CTNNA3: variants seen among roughly 807,000 people sequenced by gnomAD.
CTNNA3 encodes catenin alpha 3, also known as catenin alpha-3.
CTNNA3 carries 76 observed loss-of-function variants against 95.7 expected under a neutral mutation model. The ratio of observed to expected loss-of-function variants is 0.79; its 90% CI spans 0.66 to 0.96. CTNNA3 has a LOEUF of 0.96. CTNNA3 is among the 40% of genes least tolerant of loss of function. CTNNA3 has a pLI of 0.00. For synonymous variants in CTNNA3, 431 were observed against 374.4 expected (o/e 1.15, Z -1.74); for missense variants, 1,191 against 1,089.8 (o/e 1.09, Z -1.31).
chr10:66,552,574 C>T (rs1842253091), intron 10 of CTNNA3, among the ~76,000 whole-genome samples: 1 of 151,998 alleles, frequency 6.6e-6, no homozygotes, highest in Non-Finnish European at 1.5e-5. Context: ...CATATGGTCT[C>T]TAGTGAGCTT....
intron 9 of CTNNA3, among the ~76,000 whole-genome samples, chr10:66,747,971 A>T (rs911238037): frequency 6.6e-6 from 1 of 152,110 alleles, no homozygotes; most frequent in South Asian, 2.1e-4. Context: ...ATTCATACTG[A>T]CAAGAGTCCA....
At chr10:66,272,449 T>C (rs1156705048) in intron 13 of CTNNA3, among the ~76,000 whole-genome samples, 2 of 152,110 alleles carry the variant, frequency 1.3e-5, no homozygotes, top group East Asian at 3.9e-4. Context: ...AAGCGCACAT[T>C]TGATAGCCGT....
chr10:66,303,567 TAA>T (rs933542217), intron 12 of CTNNA3, among the ~76,000 whole-genome samples: 17 of 152,120 alleles, frequency 1.1e-4, no homozygotes, highest in African/African-American at 4.1e-4. Flanking sequence ...ATGAAGTGAA[TAA>T]AAATAAAAGT....
At chr10:66,822,399 G>C (rs1253758615) in intron 7 of CTNNA3, among the ~76,000 whole-genome samples, 1 of 152,098 alleles carries the variant, frequency 6.6e-6, no homozygotes, top group Non-Finnish European at 1.5e-5. Context: ...ATTGGCACAA[G>C]AGTTGTGACT....
intron 7 of CTNNA3, among the ~76,000 whole-genome samples, chr10:67,084,971 T>C (rs910027979): frequency 2.6e-5 from 4 of 151,954 alleles, no homozygotes; most frequent in Non-Finnish European, 4.4e-5. Context: ...TATCAAGACA[T>C]GTCAAAGGAG....
At chr10:66,552,064 C>T (rs1267241274) in intron 10 of CTNNA3, among the ~76,000 whole-genome samples, 2 of 151,752 alleles carry the variant, frequency 1.3e-5, no homozygotes, top group South Asian at 2.1e-4. Flanking sequence ...CCACCACGCC[C>T]GGCTAATTTT....
At chr10:66,610,726 CA>C (rs1214782118) in intron 10 of CTNNA3, among the ~76,000 whole-genome samples, 2 of 151,960 alleles carry the variant, frequency 1.3e-5, no homozygotes, top group African/African-American at 4.8e-5. Flanking sequence ...GGAGGTTTCT[CA>C]AAAAACTAAA....
At chr10:67,649,567 C>T (rs893185248) in intron 1 of CTNNA3, among the ~76,000 whole-genome samples, 1 of 152,012 alleles carries the variant, frequency 6.6e-6, no homozygotes, top group Non-Finnish European at 1.5e-5. Flanking sequence ...AAAATAAATC[C>T]TTAAAGAACT....
At chr10:67,167,346 C>G (rs1861818210) in intron 7 of CTNNA3, among the ~76,000 whole-genome samples, 1 of 152,034 alleles carries the variant, frequency 6.6e-6, no homozygotes, top group Admixed American at 6.6e-5. Flanking sequence ...AGAGTGCCTA[C>G]CTAATTGTTA....
intron 11 of CTNNA3, among the ~76,000 whole-genome samples, chr10:66,485,706 T>C (rs1436758694): frequency 1.3e-5 from 2 of 152,128 alleles, no homozygotes; most frequent in Non-Finnish European, 2.9e-5. Flanking sequence ...TCTATACAAA[T>C]TCCAATGGTA....
At chr10:67,597,147 C>G (rs1842956659) in intron 3 of CTNNA3, among the ~76,000 whole-genome samples, 1 of 152,152 alleles carries the variant, frequency 6.6e-6, no homozygotes, top group Non-Finnish European at 1.5e-5. Flanking sequence ...GCTATTTTAT[C>G]TTTCAGCTCT....
intron 7 of CTNNA3, among the ~76,000 whole-genome samples, chr10:66,991,013 G>A (rs1851009929): frequency 6.6e-6 from 1 of 152,126 alleles, no homozygotes; most frequent in Admixed American, 6.6e-5. Flanking sequence ...ACAAATATCT[G>A]CTAATGATGG....
In CTNNA3 at chr10:67,190,566, T is replaced by C. The variant is rs1262638028; in HGVS notation, c.844-10046A>G. The stretch of plus-strand genomic sequence containing the variant: ...TCAAATTCTTAAATTTTAAAAAAGA[T>C]AATTATGGACCAAACGTTTATTACT... On this transcript the variant is annotated intron_variant, in intron 6 of 17. Transcript: ENST00000433211. Among the ~76,000 whole-genome samples the C allele has an allele frequency of 2.6e-5, 4 of 151,996 alleles. No homozygotes were observed. The East Asian group carries it at 7.7e-4, about 29-fold the overall frequency.
At chr10:67,177,563 C>A (rs145834199) in intron 7 of CTNNA3, among the ~76,000 whole-genome samples, 6 of 152,102 alleles carry the variant, frequency 3.9e-5, no homozygotes, top group Non-Finnish European at 8.8e-5. Flanking sequence ...CTGGGTCCAC[C>A]AAAGGAGACA....
At chr10:67,037,146 A>G (rs1157026236) in intron 7 of CTNNA3, among the ~76,000 whole-genome samples, 2 of 152,174 alleles carry the variant, frequency 1.3e-5, no homozygotes, top group Admixed American at 1.3e-4. Context: ...TTGACTCATT[A>G]AACAAGTAGA....
chr10:66,158,202 T>A (rs2084647755), intron 13 of CTNNA3, among the ~76,000 whole-genome samples: 1 of 152,154 alleles, frequency 6.6e-6, no homozygotes, highest in South Asian at 2.1e-4. Flanking sequence ...TTTTACTGAA[T>A]TTGCTTTTGG....
At chr10:66,227,784 G>A (rs1003074288) in intron 13 of CTNNA3, among the ~76,000 whole-genome samples, 8 of 152,106 alleles carry the variant, frequency 5.3e-5, no homozygotes, top group Admixed American at 2.6e-4. Flanking sequence ...TAGCAGTGAA[G>A]TCATCTGGTC....
intron 17 of CTNNA3, among the ~76,000 whole-genome samples, chr10:65,958,348 A>G (rs1442392375): frequency 2.6e-5 from 4 of 151,858 alleles, no homozygotes; most frequent in Admixed American, 2.6e-4. Context: ...TTTAGCTTGG[A>G]GAAGTTTGTT....
At chr10:67,156,416 T>C (rs1217059230) in intron 7 of CTNNA3, among the ~76,000 whole-genome samples, 1 of 152,078 alleles carries the variant, frequency 6.6e-6, no homozygotes, top group Non-Finnish European at 1.5e-5. Flanking sequence ...ATGTCAACAG[T>C]CATGGAAACT....
Sources: gnomAD v4.1 joint callset for allele counts (sites outside exome capture counted in the v4.1 genomes callset) on GRCh38, gnomAD v4.1.1 for gene constraint, MANE v1.5 for transcripts, NCBI Gene and HGNC (gene_info 2026-07-23, HGNC 2026-07-21) for gene names.